VTCN1: variants seen among roughly 807,000 people sequenced by gnomAD.
The protein encoded by VTCN1 is V-set domain containing T cell activation inhibitor 1.
A neutral mutation model predicts 26.5 loss-of-function variants in VTCN1; 26 were observed. The observed-to-expected ratio is 0.98, with a 90% CI of 0.72 to 1.36. The LOEUF (loss-of-function observed/expected upper bound fraction) is 1.36, where lower values mean the gene tolerates loss of function less well. Among genes scored for constraint, VTCN1 ranks in the 40% most tolerant of loss-of-function variants. The pLI is 0.00. For missense variants in VTCN1, 298 were observed against 337.7 expected (o/e 0.88, Z 0.92); for synonymous variants, 116 against 130.7 (o/e 0.89, Z 0.77).
At chr1:117,157,043 A>G (rs751980842) in intron 2 of VTCN1, 122 bp from the exon 3 acceptor site, 1 of 1,571,474 alleles carries the variant, frequency 6.4e-7, no homozygotes, top group Non-Finnish European at 8.6e-7. Context: ...GAAGAACATG[A>G]GAGGCAATAA....
Position 117,159,231 on chromosome 1 carries a change from T to C in VTCN1, c.98-2310A>G, listed in dbSNP as rs544423744. Among the ~76,000 whole-genome samples, 18 of 152,282 alleles carry C rather than the reference T, an allele frequency of 1.2e-4. No homozygotes were observed. The South Asian group carries it at 3.7e-3, about 32-fold the overall frequency. Reference sequence around the variant, plus strand: ...TATTAGTCCATTTTCACAGTGCTGATAAAGAAATACCCGAGACTTGGAAGA... The same window carrying C: ...TATTAGTCCATTTTCACAGTGCTGACAAAGAAATACCCGAGACTTGGAAGA... On this transcript the variant is annotated intron_variant, in intron 2 of 5. Coordinates refer to ENST00000369458, the MANE Select transcript of VTCN1 (RefSeq NM_024626.4). This position sits in a 1 kb window ranked among gnomAD's most constrained non-coding sequence, Gnocchi z 4.7.
chr1:117,190,192 T>C (rs1557874940), intron 1 of VTCN1, among the ~76,000 whole-genome samples: 1 of 152,220 alleles, frequency 6.6e-6, no homozygotes, highest in Non-Finnish European at 1.5e-5. Flanking sequence ...CAGGACTTGA[T>C]GGGAGACATA....
intron 4 of VTCN1, among the ~76,000 whole-genome samples, chr1:117,152,188 A>C (rs975338649): frequency 3.3e-5 from 5 of 152,104 alleles, no homozygotes; most frequent in African/African-American, 1.2e-4. Context: ...TTATTTTTTA[A>C]ATTGATATAT....
intron 1 of VTCN1, among the ~76,000 whole-genome samples, chr1:117,210,299 G>A (rs1168426901): frequency 6.6e-6 from 1 of 152,074 alleles, no homozygotes. Flanking sequence ...CTTTGAGCTG[G>A]GGGGGCCTGG....
chr1:117,203,541 A>G (rs970614332), intron 1 of VTCN1: 2 of 915,960 alleles, frequency 2.2e-6, no homozygotes, highest in Non-Finnish European at 2.6e-6. Flanking sequence ...TGTGATAGGA[A>G]ATCAGAAGCA....
chr1:117,204,564 A>T (rs1287105520), intron 1 of VTCN1, among the ~76,000 whole-genome samples: 2 of 151,998 alleles, frequency 1.3e-5, no homozygotes, highest in African/African-American at 4.8e-5. Context: ...GCAATATAGG[A>T]TCTTGAAAAA....
chr1:117,192,326 G>A (rs1028472697), intron 1 of VTCN1, among the ~76,000 whole-genome samples: 5 of 152,090 alleles, frequency 3.3e-5, no homozygotes, highest in Non-Finnish European at 5.9e-5. Context: ...AAGGACAGAT[G>A]AAGATATTCA....
At chr1:117,200,988 C>A (rs1570991777) in intron 1 of VTCN1, among the ~76,000 whole-genome samples, 1 of 152,226 alleles carries the variant, frequency 6.6e-6, no homozygotes, top group Middle Eastern at 3.4e-3. Flanking sequence ...TGCATGTTGC[C>A]TAATCTGGTC....
In VTCN1 at chr1:117,143,792, A is replaced by G. The variant is rs1186341884; in HGVS notation, c.*1479T>C. On this transcript the variant is annotated 3_prime_UTR_variant, in exon 6 of 6. Transcript: ENST00000369458. ...CCTCAAGGCCTCAATTCAAGCAGTC[A>G]TTGTCCTTGCTTTCAAAAGTCTGTG... The G allele has an allele frequency of 6.6e-6, 1 of 152,186 alleles. No homozygotes were observed. Among genetic ancestry groups the G allele is most frequent in the Non-Finnish European group, 1.5e-5 (1 of 68,058 alleles). 9.4% of individuals were successfully genotyped at this position (152,186 alleles called of 1,614,324 possible). A position where few individuals can be genotyped will look rare whatever the true frequency, so the allele number is the denominator to read the frequency against.
rs1652039433 is a variant in VTCN1 at position 117,155,790 on chromosome 1, T to C, written c.445+784A>G. Among the ~76,000 whole-genome samples the C allele has an allele frequency of 6.6e-6, 1 of 152,206 alleles. No homozygotes were observed. Among genetic ancestry groups the C allele is most frequent in the Admixed American group, 6.5e-5 (1 of 15,294 alleles). ...TTCTGCCTATCCTTCAAGGCTCCCC[T>C]CAAATGCCAGCTTCTCCAGGGGGCT... On this transcript the variant is annotated intron_variant, in intron 3 of 5. Transcript: ENST00000369458. This position sits in a 1 kb window ranked among gnomAD's most constrained non-coding sequence, Gnocchi z 4.8.
intron 1 of VTCN1, among the ~76,000 whole-genome samples, chr1:117,184,120 T>TTA (rs775446370): frequency 6.6e-6 from 1 of 152,174 alleles, no homozygotes; most frequent in Non-Finnish European, 1.5e-5. Flanking sequence ...GATGACTGTC[T>TTA]TATATATACA....
intron 1 of VTCN1, among the ~76,000 whole-genome samples, chr1:117,195,233 G>A (rs1648451105): frequency 6.7e-6 from 1 of 150,328 alleles, no homozygotes; most frequent in African/African-American, 2.4e-5. Flanking sequence ...CTGTACTCCA[G>A]CCTGGAGAGA....
At chr1:117,154,662 A>G (rs1323472767) in intron 3 of VTCN1, among the ~76,000 whole-genome samples, 1 of 151,964 alleles carries the variant, frequency 6.6e-6, no homozygotes, top group African/African-American at 2.4e-5. Context: ...GCATGCCTGT[A>G]ATCCCAGCTA....
At chr1:117,157,104 T>C in intron 2 of VTCN1, 183 bp from the exon 3 acceptor site, 1 of 685,718 alleles carries the variant, frequency 1.5e-6, no homozygotes, top group South Asian at 2.0e-5. Flanking sequence ...TATATATATA[T>C]ATATATATAT....
intron 1 of VTCN1, among the ~76,000 whole-genome samples, chr1:117,195,002 A>T (rs964542002): frequency 1.3e-5 from 2 of 152,132 alleles, no homozygotes; most frequent in Non-Finnish European, 2.9e-5. Flanking sequence ...ACGGTGGCTC[A>T]TGCCTATAAT....
intron 1 of VTCN1, among the ~76,000 whole-genome samples, chr1:117,198,509 ATT>A (rs1286892464): frequency 6.6e-6 from 1 of 152,220 alleles, no homozygotes. Context: ...TGTCTTAGAC[ATT>A]TGGCTCCAGT....
At chr1:117,201,641 A>T (rs144179488) in intron 1 of VTCN1, among the ~76,000 whole-genome samples, 2,038 of 152,260 alleles carry the variant, frequency 0.013, 57 homozygotes, top group African/African-American at 0.047. Context: ...ATGGGGAAGC[A>T]CCCACAGAGC....
At chr1:117,202,263 A>G (rs1648827571) in intron 1 of VTCN1, among the ~76,000 whole-genome samples, 1 of 152,198 alleles carries the variant, frequency 6.6e-6, no homozygotes, top group Admixed American at 6.5e-5. Flanking sequence ...CTGACTACAG[A>G]GCTTGGTGGC....
At chr1:117,192,659 G>A (rs535629681) in intron 1 of VTCN1, among the ~76,000 whole-genome samples, 2 of 152,212 alleles carry the variant, frequency 1.3e-5, no homozygotes, top group South Asian at 4.1e-4. Flanking sequence ...TGTGTTGGGG[G>A]TAAGATTGTA....
Sources: allele counts gnomAD v4.1 joint callset (sites outside exome capture counted in the v4.1 genomes callset), GRCh38; gene constraint gnomAD v4.1.1; non-coding constraint Gnocchi (gnomAD v3.1); transcripts MANE v1.5; gene names NCBI Gene and HGNC (gene_info 2026-07-23, HGNC 2026-07-21).